Variants in DLGAP2 observed in about 807,000 individuals in gnomAD.
DLGAP2 encodes DLG associated protein 2.
In DLGAP2, 26 loss-of-function variants were observed where a neutral mutation model predicts 100.3. That is an observed-to-expected ratio of 0.26 (90% CI 0.19 to 0.36). DLGAP2 has a LOEUF of 0.36. DLGAP2 is among the 10% of genes least tolerant of loss of function. DLGAP2 has a pLI of 1.00. For synonymous variants in DLGAP2, 886 were observed against 630.1 expected, an observed-to-expected ratio of 1.41 and a Z score of -6.08; for missense variants, 1,858 against 1,453.2, an observed-to-expected ratio of 1.28 and a Z score of -4.53.
At chr8:1,275,132 G>T (rs1195848847) in intron 3 of DLGAP2, among the ~76,000 whole-genome samples, 1 of 152,180 alleles carries the variant, frequency 6.6e-6, no homozygotes, top group East Asian at 1.9e-4. Context: ...CAATGTCATG[G>T]TCCCAGTGCC....
chr8:1,565,112 T>C (rs1340005871), intron 5 of DLGAP2, among the ~76,000 whole-genome samples: 1 of 152,242 alleles, frequency 6.6e-6, no homozygotes, highest in Non-Finnish European at 1.5e-5. Flanking sequence ...GGCAGACATA[T>C]TCCATGCACA....
At chr8:1,373,535 C>G (rs1187096670) in intron 3 of DLGAP2, 1 of 152,252 alleles carries the variant, frequency 6.6e-6, no homozygotes. Flanking sequence ...CAATTGTTCT[C>G]TTCACCAGAG....
intron 11 of DLGAP2, 45 bp from the exon 12 acceptor site, chr8:1,678,169 C>A (rs768190420): frequency 1.3e-6 from 2 of 1,559,110 alleles, no homozygotes; most frequent in Non-Finnish European, 1.7e-6. Context: ...TGCATGAAGT[C>A]CTCTCAGAAG....
At chr8:925,936 C>T (rs549604414) in intron 2 of DLGAP2, among the ~76,000 whole-genome samples, 13 of 152,090 alleles carry the variant, frequency 8.5e-5, no homozygotes, top group Non-Finnish European at 1.3e-4. Context: ...AATGGGGTTG[C>T]GCTCACAGGA....
rs80087409 is a variant in DLGAP2, at chr8:786,883, A to G, written c.18+49058A>G. Among the ~76,000 whole-genome samples, 874 of 152,086 alleles carry G rather than the reference A, an allele frequency of 5.7e-3. 13 individuals are homozygous for G. Among genetic ancestry groups the G allele is most frequent in the African/African-American group, 0.02 (838 of 41,460 alleles). ...GAGGGGTTACCTGGTGATTTGAAAGAGCCTTCAGCTCACCTAGAACCTCTA... is the reference window on the plus strand; with the variant it reads ...GAGGGGTTACCTGGTGATTTGAAAGGGCCTTCAGCTCACCTAGAACCTCTA... On this transcript the variant is annotated intron_variant, in intron 1 of 14. Transcript: ENST00000637795.
chr8:758,463 C>T (rs1335466652), intron 1 of DLGAP2, among the ~76,000 whole-genome samples: 4 of 152,272 alleles, frequency 2.6e-5, no homozygotes, highest in Admixed American at 2.6e-4. Context: ...TCAAATAGTT[C>T]AGTAGGAGCT....
chr8:1,581,141 ACAGT>A (rs1158032870), intron 6 of DLGAP2, among the ~76,000 whole-genome samples: 1 of 151,376 alleles, frequency 6.6e-6, no homozygotes, highest in East Asian at 2.0e-4. Flanking sequence ...TCTACACACC[ACAGT>A]CAAACTACCA....
At chr8:1,425,638 C>G (rs566485959) in intron 3 of DLGAP2, among the ~76,000 whole-genome samples, 53 of 152,296 alleles carry the variant, frequency 3.5e-4, no homozygotes, top group Non-Finnish European at 7.2e-4. Flanking sequence ...CTTCCACAAG[C>G]CTAGAGCTGT....
At position 1,562,600 on chromosome 8, in the gene DLGAP2, C is replaced by T. The variant is rs1413885966; in HGVS notation, c.1231-3083C>T. Among the ~76,000 whole-genome samples, 3 of 45,672 alleles carry T rather than the reference C, an allele frequency of 6.6e-5. 1 individual carries two copies. The highest frequency in any genetic ancestry group is 2.6e-3 in the South Asian group (2 of 780). The allele number at this position is 45,672 out of a possible 152,430, so 30.0% of individuals were successfully genotyped here. On this transcript the variant is annotated intron_variant, in intron 5 of 14. Coordinates refer to ENST00000637795, the MANE Select transcript of DLGAP2 (RefSeq NM_001346810.2). ...TGGACTGTGTGGTGTTGGGTGTCCGCGCCTCGTTGCTCGGGGACTGTGTGG... is the reference window on the plus strand; with the variant it reads ...TGGACTGTGTGGTGTTGGGTGTCCGTGCCTCGTTGCTCGGGGACTGTGTGG...
In DLGAP2 at chr8:1,548,810, C is replaced by G. The variant is rs140370936; in HGVS notation, c.357C>G (p.Pro119=). The G allele has an allele frequency of 5.7e-6, 9 of 1,581,790 alleles. No individual in the cohort carries two copies. The African/African-American group carries it at 9.4e-5, about 17-fold the overall frequency. The change falls in exon 5 of 15, where the codon CCC becomes CCG. Residue 119 remains proline, a synonymous_variant. Transcript: ENST00000637795. The part of the protein sequence containing the change: ...HLHHGPDARP[P]YLLSPADSCP... ...ACCACGGGCCCGACGCGCGGCCGCC[C>G]TACCTGCTGAGCCCCGCCGACAGCT...
intron 3 of DLGAP2, among the ~76,000 whole-genome samples, chr8:1,276,836 G>A (rs4129418): frequency 0.47 from 71,183 of 152,020 alleles, 17,111 homozygotes; most frequent in East Asian, 0.65. Flanking sequence ...ATGGGAAGAC[G>A]TTATCATTTT....
chr8:1,492,654 C>T (rs1240993466), intron 3 of DLGAP2, among the ~76,000 whole-genome samples: 4 of 152,226 alleles, frequency 2.6e-5, no homozygotes, highest in African/African-American at 9.6e-5. Flanking sequence ...GAGCACGTGA[C>T]CTGACCCCTC....
intron 12 of DLGAP2, among the ~76,000 whole-genome samples, chr8:1,684,927 C>G (rs953259453): frequency 6.6e-6 from 1 of 152,072 alleles, no homozygotes; most frequent in African/African-American, 2.4e-5. Context: ...ACTTCCTTGC[C>G]CCAAATGACT....
intron 8 of DLGAP2, among the ~76,000 whole-genome samples, chr8:1,633,517 T>G (rs1797700940): frequency 6.6e-6 from 1 of 152,208 alleles, no homozygotes; most frequent in Non-Finnish European, 1.5e-5. Flanking sequence ...GCAGATGCAC[T>G]AACTATCTTA....
intron 1 of DLGAP2, among the ~76,000 whole-genome samples, chr8:822,361 G>T (rs1303622430): frequency 6.6e-6 from 1 of 151,684 alleles, no homozygotes; most frequent in Non-Finnish European, 1.5e-5. Context: ...AGCCGGGTAT[G>T]GTAAGGCCGG....
At chr8:1,246,270 G>A (rs1459621969) in intron 2 of DLGAP2, among the ~76,000 whole-genome samples, 2 of 152,176 alleles carry the variant, frequency 1.3e-5, no homozygotes, top group Non-Finnish European at 1.5e-5. Context: ...CTAGAAACTT[G>A]CAGTCAGTCT....
intron 6 of DLGAP2, among the ~76,000 whole-genome samples, chr8:1,615,648 C>T (rs1563258219): frequency 1.4e-5 from 2 of 142,260 alleles, no homozygotes; most frequent in African/African-American, 5.4e-5. Context: ...CCATTGTAGT[C>T]TTATGAATGA....
chr8:768,747 C>T (rs1226069476), intron 1 of DLGAP2, among the ~76,000 whole-genome samples: 1 of 152,114 alleles, frequency 6.6e-6, no homozygotes, highest in African/African-American at 2.4e-5. Context: ...GCCCACACCT[C>T]CTGGTGCACT....
chr8:1,083,952 T>C (rs185302288), intron 2 of DLGAP2, among the ~76,000 whole-genome samples: 56 of 152,324 alleles, frequency 3.7e-4, no homozygotes, highest in African/African-American at 1.1e-3. Context: ...TTGGTGCATT[T>C]TATTTTATAT....
Sources: allele counts gnomAD v4.1 joint callset (sites outside exome capture counted in the v4.1 genomes callset), GRCh38; gene constraint gnomAD v4.1.1; transcripts MANE v1.5; gene names NCBI Gene and HGNC (gene_info 2026-07-23, HGNC 2026-07-21).